The following NAALADL2 variants were observed in gnomAD, a reference collection of about 807,000 sequenced individuals.
NAALADL2 encodes inactive N-acetylated-alpha-linked acidic dipeptidase-like protein 2.
In NAALADL2, 76 loss-of-function variants were observed where a neutral mutation model predicts 87.2. The ratio of observed to expected loss-of-function variants is 0.87; its 90% CI spans 0.72 to 1.05. The LOEUF (loss-of-function observed/expected upper bound fraction) is 1.05, where lower values mean the gene tolerates loss of function less well. Among genes scored for constraint, NAALADL2 ranks in the 50% least tolerant of loss-of-function variants. The probability of loss-of-function intolerance (pLI) is 0.00; values close to 1 mark genes in which losing one functional copy is unlikely to be tolerated. For synonymous variants in NAALADL2, 354 were observed against 331.0 expected, an observed-to-expected ratio of 1.07 and a Z score of -0.75; for missense variants, 1,089 against 945.8, an observed-to-expected ratio of 1.15 and a Z score of -1.99.
At chr3:174,555,306 T>C (rs1436984670) in intron 2 of NAALADL2, among the ~76,000 whole-genome samples, 1 of 152,060 alleles carries the variant, frequency 6.6e-6, no homozygotes, top group African/African-American at 2.4e-5. Flanking sequence ...GGGGAAATTA[T>C]TATTATTTTT....
chr3:175,107,889 A>G (rs1297782473), intron 2 of NAALADL2, among the ~76,000 whole-genome samples: 1 of 151,924 alleles, frequency 6.6e-6, no homozygotes, highest in Non-Finnish European at 1.5e-5. Context: ...AGTTTGTGGC[A>G]TCAAAATGTA....
chr3:175,374,553 GAAAAAAAAAAAAAAAAAAA>G (rs765485400), intron 5 of NAALADL2, among the ~76,000 whole-genome samples: 3 of 45,394 alleles, frequency 6.6e-5, no homozygotes, highest in Admixed American at 4.5e-4. Context: ...TGCATCTCCA[GAAAAAAAAAAAAAAAAAAA>G]AAAAAAAAAA....
At chr3:174,772,950 C>T (rs1396794564) in intron 3 of NAALADL2, among the ~76,000 whole-genome samples, 1 of 152,130 alleles carries the variant, frequency 6.6e-6, no homozygotes, top group Non-Finnish European at 1.5e-5. Flanking sequence ...GCCATCAGTC[C>T]AGTTCTGAAT....
intron 2 of NAALADL2, among the ~76,000 whole-genome samples, chr3:175,214,655 C>T (rs1742245145): frequency 6.6e-6 from 1 of 151,994 alleles, no homozygotes; most frequent in Admixed American, 6.6e-5. Flanking sequence ...TATTATTGTG[C>T]TGTTAGAACA....
chr3:175,063,066 A>C (rs141021356), intron 1 of NAALADL2, among the ~76,000 whole-genome samples: 1 of 152,108 alleles, frequency 6.6e-6, no homozygotes, highest in Non-Finnish European at 1.5e-5. Context: ...GGAGCTGGCT[A>C]TGTTTTTTGT....
In NAALADL2 at chr3:175,784,903, G is replaced by A. The variant is rs1200667350; in HGVS notation, c.2190-18102G>A. 3.5e-4 allele frequency among the ~76,000 whole-genome samples: 41 copies of A among 116,676 alleles called. 2 individuals carry two copies. The highest frequency in any genetic ancestry group is 1.8e-3 in the African/African-American group (35 of 19,764). The allele number at this position is 116,676 out of a possible 152,430, so 76.5% of individuals were successfully genotyped here. A position where few individuals can be genotyped will look rare whatever the true frequency, so the allele number is the denominator to read the frequency against. ...TGTCCCAGAGATTCTGGTATGTTGT[G>A]TCTTTGTTCTCATTGGTTTCAAAGA... On this transcript the variant is annotated intron_variant, in intron 13 of 13. Transcript: ENST00000454872.
At chr3:175,385,373 A>G (rs1768253601) in intron 5 of NAALADL2, among the ~76,000 whole-genome samples, 1 of 152,160 alleles carries the variant, frequency 6.6e-6, no homozygotes, top group Admixed American at 6.6e-5. Context: ...GTCTTACCTT[A>G]CTTTTAGTTT....
chr3:175,502,068 A>T (rs1227973815), intron 9 of NAALADL2, among the ~76,000 whole-genome samples: 1 of 152,140 alleles, frequency 6.6e-6, no homozygotes. Flanking sequence ...AACAATTTCA[A>T]GTAAAATAAA....
At chr3:175,765,980 T>A (rs1257036372) in intron 13 of NAALADL2, among the ~76,000 whole-genome samples, 1 of 152,144 alleles carries the variant, frequency 6.6e-6, no homozygotes, top group African/African-American at 2.4e-5. Context: ...CAATACTGCA[T>A]ACATTTGATC....
At chr3:174,995,346 ATTTG>A (rs1206998719) in intron 1 of NAALADL2, among the ~76,000 whole-genome samples, 6 of 152,152 alleles carry the variant, frequency 3.9e-5, no homozygotes. Flanking sequence ...AAACCCATTT[ATTTG>A]TTTAATTAAT....
In NAALADL2 at chr3:175,554,275, C is replaced by A. The variant is rs186601788; in HGVS notation, c.1654-21766C>A. Among the ~76,000 whole-genome samples the A allele has an allele frequency of 3.7e-3, 557 of 152,246 alleles. 11 individuals are homozygous for A. The highest frequency in any genetic ancestry group is 0.029 in the Admixed American group (444 of 15,288). ...CCAGGGTCAGTTTTTCAGTTCTATT[C>A]TGAATGCAATGGGAAGCCCTTGGAA... On this transcript the variant is annotated intron_variant, in intron 9 of 13. Transcript: ENST00000454872.
chr3:174,455,696 A>G (rs572840348), intron 1 of NAALADL2, among the ~76,000 whole-genome samples: 1 of 152,324 alleles, frequency 6.6e-6, no homozygotes, highest in East Asian at 1.9e-4. Context: ...AGCTCTCTAT[A>G]AACTAGGTAT....
At chr3:175,245,669 G>C (rs1180957782) in intron 3 of NAALADL2, among the ~76,000 whole-genome samples, 1 of 152,122 alleles carries the variant, frequency 6.6e-6, no homozygotes, top group Non-Finnish European at 1.5e-5. Context: ...TGTACATACT[G>C]CAGTAAAGAA....
intron 2 of NAALADL2, among the ~76,000 whole-genome samples, chr3:174,567,394 A>C (rs1045288948): frequency 6.6e-6 from 1 of 151,594 alleles, no homozygotes; most frequent in African/African-American, 2.4e-5. Flanking sequence ...AAAATAAACA[A>C]ATTTTTTCAA....
chr3:175,680,786 T>C (rs1300323618), intron 11 of NAALADL2, among the ~76,000 whole-genome samples: 2 of 152,208 alleles, frequency 1.3e-5, no homozygotes, highest in Non-Finnish European at 2.9e-5. Context: ...AATCATATTA[T>C]GTGACATACA....
intron 3 of NAALADL2, among the ~76,000 whole-genome samples, chr3:174,791,019 T>C (rs1275623556): frequency 6.6e-6 from 1 of 152,186 alleles, no homozygotes; most frequent in Non-Finnish European, 1.5e-5. Flanking sequence ...GAAAGAGCAG[T>C]TTCAAAAGGA....
At chr3:175,632,778 A>T (rs1375252163) in intron 11 of NAALADL2, among the ~76,000 whole-genome samples, 1 of 152,124 alleles carries the variant, frequency 6.6e-6, no homozygotes, top group African/African-American at 2.4e-5. Context: ...ACCTAGTCAG[A>T]TACATCAAGG....
chr3:175,369,209 G>C (rs1766109091), intron 5 of NAALADL2, among the ~76,000 whole-genome samples: 1 of 152,076 alleles, frequency 6.6e-6, no homozygotes, highest in Non-Finnish European at 1.5e-5. Context: ...TGCAGCACCT[G>C]ACTGTATATA....
intron 10 of NAALADL2, among the ~76,000 whole-genome samples, chr3:175,581,498 C>T (rs1719779024): frequency 1.3e-5 from 2 of 152,056 alleles, no homozygotes; most frequent in Non-Finnish European, 2.9e-5. Context: ...CATACCTGTT[C>T]CTGCATTATC....
Sources: gnomAD v4.1 joint callset for allele counts (sites outside exome capture counted in the v4.1 genomes callset) on GRCh38, gnomAD v4.1.1 for gene constraint, MANE v1.5 for transcripts, NCBI Gene and HGNC (gene_info 2026-07-23, HGNC 2026-07-21) for gene names.